Variants in SUSD3 observed in about 807,000 individuals in gnomAD.
SUSD3 encodes the protein sushi domain containing 3.
SUSD3 carries 18 observed loss-of-function variants against 20.6 expected under a neutral mutation model. That is an observed-to-expected ratio of 0.87 (90% CI 0.60 to 1.30). SUSD3 has a LOEUF of 1.30. SUSD3 is among the 50% of genes most tolerant of loss of function. The pLI, the probability that SUSD3 is intolerant of heterozygous loss-of-function variation, is 0.00. For synonymous variants in SUSD3, 137 were observed against 141.5 expected (o/e 0.97, Z 0.23); for missense variants, 306 against 346.9 (o/e 0.88, Z 0.94).
chr9:93,073,729 C>G (rs1339056389), intron 1 of SUSD3, among the ~76,000 whole-genome samples: 2 of 152,174 alleles, frequency 1.3e-5, no homozygotes, highest in Non-Finnish European at 2.9e-5. Flanking sequence ...ATGCAGGGAA[C>G]AGGGACACAC....
intron 1 of SUSD3, among the ~76,000 whole-genome samples, chr9:93,072,526 C>T (rs1825950464): frequency 6.6e-6 from 1 of 152,328 alleles, no homozygotes; most frequent in South Asian, 2.1e-4. Context: ...TCTGCTGATG[C>T]CCATTAATAG....
intron 1 of SUSD3, among the ~76,000 whole-genome samples, chr9:93,067,924 AC>A (rs1825778251): frequency 1.3e-5 from 2 of 152,154 alleles, no homozygotes; most frequent in East Asian, 3.8e-4. Flanking sequence ...TATCTTTTTG[AC>A]AGACTTCCTT....
chr9:93,074,513 G>A (rs562054603), intron 1 of SUSD3, among the ~76,000 whole-genome samples: 3 of 151,284 alleles, frequency 2.0e-5, no homozygotes, highest in South Asian at 4.2e-4. Flanking sequence ...CCCTGGGTAA[G>A]GGAATCATTC....
Position 93,065,683 on chromosome 9 carries a change from T to C in SUSD3, c.88+6853T>C, listed in dbSNP as rs147905727. ...GCCACCTCCTTGGCCAGAAGGACAG[T>C]GCATATACAGATCCCAAGATCCTGA... On this transcript the variant is annotated intron_variant, in intron 1 of 4. Coordinates refer to ENST00000375472, the MANE Select transcript of SUSD3 (RefSeq NM_145006.4). 1.3e-4 allele frequency among the ~76,000 whole-genome samples: 20 copies of C among 152,300 alleles called. 2 individuals carry two copies. The East Asian group carries it at 3.9e-3, about 29-fold the overall frequency.
At chr9:93,072,707 G>A (rs1005079660) in intron 1 of SUSD3, among the ~76,000 whole-genome samples, 3 of 152,222 alleles carry the variant, frequency 2.0e-5, no homozygotes, top group African/African-American at 7.2e-5. Flanking sequence ...CTGGGCAGAT[G>A]TGAATAAATC....
At position 93,077,847 on chromosome 9, in the gene SUSD3, GGT is replaced by G; in HGVS notation, c.281_282del (p.Val94AlafsTer59). The G allele has an allele frequency of 6.2e-7, 1 of 1,614,144 alleles. No individual in the cohort carries two copies. Among genetic ancestry groups the G allele is most frequent in the Non-Finnish European group, 8.5e-7 (1 of 1,180,018 alleles). On this transcript the variant is annotated frameshift_variant and splice_region_variant, in exon 3 of 5. Transcript: ENST00000375472. LOFTEE classifies it high-confidence loss of function. The stretch of plus-strand genomic sequence containing the variant: ...AGCTGGTGGTTGTCTCCCACACAGT[GGT>G]GCCACCACACGAGACCTTTGGCTTC... ...WSSGSPVCKL[V>X]PPHETFGFKV...
chr9:93,067,906 G>T (rs185407854), intron 1 of SUSD3, among the ~76,000 whole-genome samples: 1 of 152,248 alleles, frequency 6.6e-6, no homozygotes, highest in East Asian at 1.9e-4. Context: ...CCAGCTATTG[G>T]TATTGCCTAT....
At chr9:93,065,097 C>T (rs1825656266) in intron 1 of SUSD3, among the ~76,000 whole-genome samples, 1 of 152,270 alleles carries the variant, frequency 6.6e-6, no homozygotes, top group African/African-American at 2.4e-5. Context: ...CCCTGGGACC[C>T]TGGTGGGTGG....
intron 1 of SUSD3, 51 bp from the exon 2 acceptor site, chr9:93,075,733 C>T (rs746247896): frequency 1.5e-5 from 6 of 392,450 alleles, no homozygotes; most frequent in South Asian, 4.1e-5. Flanking sequence ...CCCTGCCCTG[C>T]GTGCCCACCC....
intron 3 of SUSD3, 109 bp from the exon 4 acceptor site, chr9:93,079,362 C>A: frequency 8.0e-7 from 1 of 1,254,458 alleles, no homozygotes; most frequent in Non-Finnish European, 1.1e-6. Flanking sequence ...GGTTTGCCAG[C>A]CTGCACTGGT....
At chr9:93,061,351 A>G (rs1437338274) in intron 1 of SUSD3, among the ~76,000 whole-genome samples, 1 of 152,258 alleles carries the variant, frequency 6.6e-6, no homozygotes, top group African/African-American at 2.4e-5. Flanking sequence ...CAAGGCAGAC[A>G]CACCCTGTGA....
chr9:93,066,045 G>A (rs1255489452), intron 1 of SUSD3, among the ~76,000 whole-genome samples: 1 of 152,136 alleles, frequency 6.6e-6, no homozygotes, highest in East Asian at 1.9e-4. Context: ...GGGAGGTTCT[G>A]CCTCCTGCTG....
At chr9:93,065,507 G>A (rs4077637) in intron 1 of SUSD3, among the ~76,000 whole-genome samples, 35,602 of 152,130 alleles carry the variant, frequency 0.23, 5,152 homozygotes, top group African/African-American at 0.41. Flanking sequence ...TGCAAGGGCC[G>A]CAGTGGGCTG....
chr9:93,073,991 T>A (rs964879211), intron 1 of SUSD3, among the ~76,000 whole-genome samples: 2 of 152,144 alleles, frequency 1.3e-5, no homozygotes, highest in Non-Finnish European at 2.9e-5. Flanking sequence ...TAATGATGGT[T>A]CTCCCTGGGT....
chr9:93,064,117 T>C (rs1018679111), intron 1 of SUSD3, among the ~76,000 whole-genome samples: 10 of 152,290 alleles, frequency 6.6e-5, no homozygotes, highest in Admixed American at 6.5e-4. Flanking sequence ...GCCGTGATCT[T>C]GGCTCACTGC....
intron 4 of SUSD3, among the ~76,000 whole-genome samples, chr9:93,082,240 T>C (rs1368789849): frequency 6.6e-6 from 1 of 152,082 alleles, no homozygotes; most frequent in African/African-American, 2.4e-5. Context: ...TACCTCCAAA[T>C]GTTTTGCTCC....
In SUSD3 at chr9:93,077,977, C is replaced by A; in HGVS notation, c.409C>A (p.Arg137=). The A allele has an allele frequency of 6.2e-7, 1 of 1,614,160 alleles. No individual in the cohort carries two copies. Among genetic ancestry groups the A allele is most frequent in the Non-Finnish European group, 8.5e-7 (1 of 1,180,022 alleles). The change falls in exon 3 of 5, where the codon CGG becomes AGG. Residue 137 remains arginine, a synonymous_variant. Coordinates refer to ENST00000375472, the MANE Select transcript of SUSD3 (RefSeq NM_145006.4). ...CCTCAAGTGCGTGAAGAAGAGCAAG[C>A]GGCGGCGCTCCAACAGGTACGGTGG... The part of the protein sequence containing the change: ...CLLKCVKKSK[R]RRSNRSAQLW...
Position 93,084,717 on chromosome 9 carries a change from A to G in SUSD3, c.738A>G (p.Pro246=), listed in dbSNP as rs760449836. Residue 246 remains proline, a synonymous_variant, in exon 5 of 5, where the codon CCA becomes CCG. Coordinates refer to ENST00000375472, the MANE Select transcript of SUSD3 (RefSeq NM_145006.4). ...CCTCTGGGCTGGCCACAGGAATGCCACAACAGCCCGCAGCATATGCCCTAG... is the reference window on the plus strand; with the variant it reads ...CCTCTGGGCTGGCCACAGGAATGCCGCAACAGCCCGCAGCATATGCCCTAG... ...LPASGLATGM[P]QQPAAYALG 1.3e-6 allele frequency: 2 copies of G among 1,591,972 alleles called. No individual in the cohort carries two copies. The highest frequency in any genetic ancestry group is 2.3e-5 in the South Asian group (2 of 88,216).
At chr9:93,070,164 G>C (rs1413548544) in intron 1 of SUSD3, among the ~76,000 whole-genome samples, 1 of 152,172 alleles carries the variant, frequency 6.6e-6, no homozygotes, top group African/African-American at 2.4e-5. Context: ...TGTTTATGTA[G>C]AGAAGATACA....
Sources: allele counts gnomAD v4.1 joint callset (sites outside exome capture counted in the v4.1 genomes callset), GRCh38; gene constraint gnomAD v4.1.1; transcripts MANE v1.5; gene names NCBI Gene and HGNC (gene_info 2026-07-23, HGNC 2026-07-21).